LINGO2: variants seen among roughly 807,000 people sequenced by gnomAD.
The protein encoded by LINGO2 is leucine-rich repeat and immunoglobulin-like domain-containing nogo receptor-interacting protein 2.
A neutral mutation model predicts 30.6 loss-of-function variants in LINGO2; 14 were observed. That is an observed-to-expected ratio of 0.46 (90% CI 0.30 to 0.72). The LOEUF is 0.72. Ranked by LOEUF, LINGO2 falls within the 30% of genes least tolerant of loss-of-function variation. The pLI is 0.07. For synonymous variants in LINGO2, 317 were observed against 288.5 expected (o/e 1.10, Z -1.00); for missense variants, 729 against 751.7 (o/e 0.97, Z 0.35).
At chr9:28,746,007 A>T in the LINGO2 span, among the ~76,000 whole-genome samples, 26 of 152,072 alleles carry the variant, frequency 1.7e-4, no homozygotes, top group Admixed American at 1.4e-3. Context: ...TACACAAACT[A>T]TCAAAGGAAC....
chr9:28,210,059 C>T (rs994007143), intron 4 of LINGO2, among the ~76,000 whole-genome samples: 1 of 151,602 alleles, frequency 6.6e-6, no homozygotes, highest in African/African-American at 2.4e-5. Flanking sequence ...TTTCCTTTAC[C>T]CTTTAAAGAG....
At chr9:28,253,993 G>T (rs900606036) in intron 4 of LINGO2, among the ~76,000 whole-genome samples, 1 of 152,070 alleles carries the variant, frequency 6.6e-6, no homozygotes, top group Non-Finnish European at 1.5e-5. Flanking sequence ...TTGTTCAGGA[G>T]AGAGTCCTTT....
At chr9:28,565,219 ACT>A (rs1310349980) in intron 1 of LINGO2, among the ~76,000 whole-genome samples, 5 of 151,832 alleles carry the variant, frequency 3.3e-5, no homozygotes, top group Non-Finnish European at 5.9e-5. Context: ...TATAAGTCTC[ACT>A]CTGTCGCCCA....
chr9:28,302,868 A>G (rs1211179509), intron 3 of LINGO2, among the ~76,000 whole-genome samples: 1 of 152,174 alleles, frequency 6.6e-6, no homozygotes, highest in East Asian at 1.9e-4. Flanking sequence ...GACAGGTACT[A>G]CTTCCATTTT....
At chr9:29,191,625 C>T in the LINGO2 span, among the ~76,000 whole-genome samples, 46 of 152,048 alleles carry the variant, frequency 3.0e-4, no homozygotes, top group Admixed American at 1.4e-3. Context: ...TATGAAAACA[C>T]GAAACATTCT....
Position 28,176,647 on chromosome 9 carries a change from A to G in LINGO2, c.-87+118561T>C, listed in dbSNP as rs116031465. On this transcript the variant is annotated intron_variant, in intron 4 of 5. Coordinates refer to ENST00000379992, the Ensembl canonical transcript of LINGO2. ...TTCACCTAATCTTTACAACAAGCCA[A>G]TGAGGCAGATATTTTTATTATTTCT... Among the ~76,000 whole-genome samples, 305 of 152,300 alleles carry G rather than the reference A, an allele frequency of 2.0e-3. 3 individuals carry two copies. The highest frequency in any genetic ancestry group is 7.0e-3 in the African/African-American group (293 of 41,580).
chr9:28,855,068 C>A, the LINGO2 span, among the ~76,000 whole-genome samples: 1 of 152,010 alleles, frequency 6.6e-6, no homozygotes, highest in South Asian at 2.1e-4. Context: ...CTGACCAAGT[C>A]CTGGGACCAA....
the LINGO2 span, among the ~76,000 whole-genome samples, chr9:28,775,147 C>T: frequency 6.6e-6 from 1 of 152,124 alleles, no homozygotes; most frequent in Non-Finnish European, 1.5e-5. Flanking sequence ...AGAGGAGAAG[C>T]TTTGCTTGGC....
At chr9:28,664,003 A>G (rs1455666569) in intron 1 of LINGO2, among the ~76,000 whole-genome samples, 3 of 152,198 alleles carry the variant, frequency 2.0e-5, no homozygotes, top group Admixed American at 1.3e-4. Flanking sequence ...CAAAAATGTT[A>G]TCTATAGATA....
the LINGO2 span, among the ~76,000 whole-genome samples, chr9:29,074,717 G>A: frequency 8.5e-6 from 1 of 117,574 alleles, no homozygotes; most frequent in East Asian, 2.5e-4. Context: ...ACAGAGTCTC[G>A]CTCTCTCGCC....
chr9:28,006,246 A>G (rs1387454446), intron 5 of LINGO2, among the ~76,000 whole-genome samples: 6 of 152,182 alleles, frequency 3.9e-5, no homozygotes, highest in Non-Finnish European at 7.4e-5. Context: ...TTGAAACACA[A>G]TCACAAAGTC....
intron 2 of LINGO2, among the ~76,000 whole-genome samples, chr9:28,383,254 T>TTGTG (rs3065590): frequency 0.16 from 11,717 of 73,290 alleles, 476 homozygotes; most frequent in Non-Finnish European, 0.22. Flanking sequence ...TCACCATTCA[T>TTGTG]TGTGTGTGTG....
chr9:29,184,899 T>C, the LINGO2 span, among the ~76,000 whole-genome samples: 6 of 152,300 alleles, frequency 3.9e-5, no homozygotes, highest in East Asian at 9.7e-4. Context: ...AAATAATACA[T>C]ACCATTACTT....
intron 5 of LINGO2, among the ~76,000 whole-genome samples, chr9:27,998,156 C>G (rs983673663): frequency 2.0e-5 from 3 of 146,776 alleles, no homozygotes. Context: ...TCTGAGCTAG[C>G]CTATGTCTAC....
At chr9:28,699,443 G>A in the LINGO2 span, among the ~76,000 whole-genome samples, 3 of 151,988 alleles carry the variant, frequency 2.0e-5, no homozygotes, top group Non-Finnish European at 2.9e-5. Context: ...ATCTTTGTAA[G>A]CTGAGGATGT....
intron 1 of LINGO2, among the ~76,000 whole-genome samples, chr9:28,646,412 C>T (rs10812857): frequency 0.37 from 56,680 of 151,930 alleles, 11,768 homozygotes; most frequent in African/African-American, 0.54. Context: ...GAGTCTGGAA[C>T]CTCAAATAAC....
At chr9:28,537,136 G>A (rs1386582673) in intron 1 of LINGO2, among the ~76,000 whole-genome samples, 3 of 152,062 alleles carry the variant, frequency 2.0e-5, no homozygotes, top group Non-Finnish European at 4.4e-5. Flanking sequence ...CAAACCACCA[G>A]AAGGTACGAA....
At chr9:28,326,300 C>T (rs534794024) in intron 3 of LINGO2, among the ~76,000 whole-genome samples, 13 of 152,314 alleles carry the variant, frequency 8.5e-5, no homozygotes, top group Non-Finnish European at 1.2e-4. Context: ...CCACCACACC[C>T]GGCCACAAAC....
rs150454176 is a variant in LINGO2 at position 27,996,572 on chromosome 9, G to A, written c.-36+15783C>T. On this transcript the variant is annotated intron_variant, in intron 5 of 5. Transcript: ENST00000379992. ...ATGTGCAAATTATCTCATGGAGGTA[G>A]TAAATGGAATGGTGGTTACTAGTGA... Among the ~76,000 whole-genome samples the A allele has an allele frequency of 1.8e-3, 278 of 152,276 alleles. 8 individuals are homozygous for A. The East Asian group carries it at 0.036, about 20-fold the overall frequency.
Sources: gnomAD v4.1 joint callset for allele counts (sites outside exome capture counted in the v4.1 genomes callset) on GRCh38, gnomAD v4.1.1 for gene constraint, MANE v1.5 for transcripts, NCBI Gene and HGNC (gene_info 2026-07-23, HGNC 2026-07-21) for gene names.